The following MEIG1 variants were observed in gnomAD, a reference collection of about 807,000 sequenced individuals.
MEIG1 encodes meiosis/spermiogenesis associated 1.
A neutral mutation model predicts 11.3 loss-of-function variants in MEIG1; 12 were observed. That is an observed-to-expected ratio of 1.07 (90% CI 0.68 to 1.73). MEIG1 has a LOEUF of 1.73. Ranked by LOEUF, MEIG1 falls within the 40% of genes most tolerant of loss-of-function variation. The pLI, the probability that MEIG1 is intolerant of heterozygous loss-of-function variation, is 0.00. For missense variants in MEIG1, 119 were observed against 104.9 expected, an observed-to-expected ratio of 1.13 and a Z score of -0.59; for synonymous variants, 41 against 33.2, an observed-to-expected ratio of 1.24 and a Z score of -0.81.
chr10:14,963,041 C>T (rs181118512), intron 1 of MEIG1, among the ~76,000 whole-genome samples: 39 of 91,644 alleles, frequency 4.3e-4, no homozygotes, highest in African/African-American at 8.3e-4. Context: ...GGATTACAGG[C>T]GTGAGCCACC....
At chr10:14,954,321 G>A in the MEIG1 span, 1 of 472,354 alleles carries the variant, frequency 2.1e-6, no homozygotes, top group East Asian at 4.1e-5. Flanking sequence ...CGTTGCCCAT[G>A]TCTGTGGAGG....
downstream of MEIG1, among the ~76,000 whole-genome samples, chr10:14,975,417 T>C (rs935316269): frequency 6.6e-6 from 1 of 152,048 alleles, no homozygotes; most frequent in Non-Finnish European, 1.5e-5. Context: ...GCAGGGGGTC[T>C]ACATCCAGTC....
upstream of MEIG1, among the ~76,000 whole-genome samples, chr10:14,955,966 G>T (rs1316171503): frequency 6.6e-6 from 1 of 152,202 alleles, no homozygotes; most frequent in Non-Finnish European, 1.5e-5. Flanking sequence ...AACAAATTCT[G>T]CTGTGAGTCT....
At chr10:14,965,133 G>C (rs557882657) in intron 1 of MEIG1, among the ~76,000 whole-genome samples, 1 of 151,886 alleles carries the variant, frequency 6.6e-6, no homozygotes, top group Admixed American at 6.6e-5. Flanking sequence ...AACATAATGA[G>C]CATTTGTTAT....
intron 2 of MEIG1, among the ~76,000 whole-genome samples, chr10:14,967,241 T>A (rs1843096368): frequency 6.6e-6 from 1 of 152,210 alleles, no homozygotes; most frequent in Non-Finnish European, 1.5e-5. Context: ...AATCAGTATG[T>A]TGGGTAACTA....
chr10:14,972,502 T>G lies in MEIG1; in HGVS notation c.139-11T>G. 6.2e-7 allele frequency: 1 copy of G among 1,614,002 alleles called. No individual in the cohort carries two copies. On this transcript the variant is annotated splice_polypyrimidine_tract_variant and intron_variant, in intron 2 of 2. Coordinates refer to ENST00000407572, the MANE Select transcript of MEIG1 (RefSeq NM_001080836.3). ...CATTGTAACGTTTGTACTCTGGTTC[T>G]TGATGTGCAGGTAGATCGTTGGCCG... is the stretch of plus-strand genomic sequence containing the variant.
downstream of MEIG1, among the ~76,000 whole-genome samples, chr10:14,975,254 G>C (rs1309428341): frequency 6.6e-6 from 1 of 151,700 alleles, no homozygotes; most frequent in African/African-American, 2.4e-5. Flanking sequence ...TCCCAATATC[G>C]CAGGCTGTGT....
At chr10:14,968,763 A>G (rs1400904679) in intron 2 of MEIG1, among the ~76,000 whole-genome samples, 1 of 152,058 alleles carries the variant, frequency 6.6e-6, no homozygotes, top group African/African-American at 2.4e-5. Context: ...AAACAGAAGC[A>G]TTATCATTTT....
At position 14,972,526 on chromosome 10, in the gene MEIG1, C is replaced by A. The variant is rs148637904; in HGVS notation, c.152C>A (p.Pro51Gln). The change falls in exon 3 of 3, where the codon CCG (proline) becomes CAG (glutamine). Residue 51 changes from proline (P) to glutamine (Q), a missense_variant. Pro to Gln is a moderately conservative substitution (Grantham distance 76, BLOSUM62 -1). Transcript: ENST00000407572. ...CTTGATGTGCAGGTAGATCGTTGGC[C>A]GGAGACAGGATATGTGAAGAAACTT... The part of the protein sequence containing the change: ...VKQVSMVDRW[P>Q]ETGYVKKLQR... The A allele has an allele frequency of 1.9e-6, 3 of 1,613,746 alleles. No homozygotes were observed. The highest frequency in any genetic ancestry group is 2.5e-6 in the Non-Finnish European group (3 of 1,179,926).
intron 1 of MEIG1, among the ~76,000 whole-genome samples, chr10:14,964,564 A>AGTGTGTGTGTGTGT (rs151283080): frequency 5.7e-5 from 6 of 104,452 alleles, no homozygotes; most frequent in South Asian, 6.9e-4. Flanking sequence ...TGTATATAAG[A>AGTGTGTGTGTGTGT]GTGTGTGTGT....
rs1211164410 is a variant in MEIG1 at position 14,986,837 on chromosome 10, C to T, written n.108C>T. ...TGTTGGCCAAGCGGGTCTCGAACTC[C>T]TGGACTCAAGTGATCCCAGCGACTC... On this transcript the variant is annotated non_coding_transcript_exon_variant, in exon 2 of 3. Coordinates refer to the MEIG1 transcript ENST00000467536. 1.3e-5 allele frequency: 5 copies of T among 381,404 alleles called. No homozygotes were observed. The East Asian group carries it at 2.2e-4, about 17-fold the overall frequency. 23.6% of individuals were successfully genotyped at this position (381,404 alleles called of 1,614,324 possible).
chr10:14,972,791 C>A lies in MEIG1; in HGVS notation c.*150C>A. 1.4e-6 allele frequency: 1 copy of A among 695,656 alleles called. No individual in the cohort carries two copies. The highest frequency in any genetic ancestry group is 2.3e-6 in the Non-Finnish European group (1 of 431,454). 43.1% of individuals were successfully genotyped at this position (695,656 alleles called of 1,614,324 possible). ...CAAAAGCCATGAGAATTGGTATCTG[C>A]TAATCACCTTGTCCTGTTCTAAGAA... On this transcript the variant is annotated 3_prime_UTR_variant, in exon 3 of 3. Coordinates refer to ENST00000407572, the MANE Select transcript of MEIG1 (RefSeq NM_001080836.3).
downstream of MEIG1, among the ~76,000 whole-genome samples, chr10:14,976,281 T>G (rs1773842084): frequency 6.6e-6 from 1 of 152,152 alleles, no homozygotes; most frequent in South Asian, 2.1e-4. Context: ...TTCATAATAT[T>G]AATTACATAT....
intron 1 of MEIG1, among the ~76,000 whole-genome samples, chr10:14,960,639 C>T (rs1843001852): frequency 6.6e-6 from 1 of 151,988 alleles, no homozygotes; most frequent in East Asian, 2.0e-4. Context: ...AGGATGGTCT[C>T]GATCTCCTGA....
At chr10:14,959,314 A>T (rs1589200857), upstream of MEIG1, 1 of 152,162 alleles carries the variant, frequency 6.6e-6, no homozygotes, top group Non-Finnish European at 1.5e-5. Context: ...ATAAAAGCCC[A>T]CTCCCGGGGG....
rs1843096876 is a variant in MEIG1 at position 14,967,270 on chromosome 10, T to C, written c.138+664T>C. The stretch of plus-strand genomic sequence containing the variant: ...GTAACTATTATTTCCCTCCTGTTAC[T>C]TTTTATTTTAACCATGAATTAGAAA... On this transcript the variant is annotated intron_variant, in intron 2 of 2. Transcript: ENST00000407572. Among the ~76,000 whole-genome samples, 3 of 152,210 alleles carry C rather than the reference T, an allele frequency of 2.0e-5. No homozygotes were observed. In the South Asian group the frequency reaches 6.2e-4, roughly 31 times the overall value.
rs139910408 is a variant in MEIG1, at chr10:14,968,886, C to A, written c.138+2280C>A. Among the ~76,000 whole-genome samples, 10 of 152,056 alleles carry A rather than the reference C, an allele frequency of 6.6e-5. No individual in the cohort carries two copies. In the South Asian group the frequency reaches 1.9e-3, roughly 28 times the overall value. On this transcript the variant is annotated intron_variant, in intron 2 of 2. Transcript: ENST00000407572. The stretch of plus-strand genomic sequence containing the variant: ...CTGAGGTTGGGAGTTTGAGACCAGC[C>A]TGACCAATATGGAGAAACCCTATCT...
At chr10:14,979,282 C>A (rs1589214704) in intron 1 of MEIG1, among the ~76,000 whole-genome samples, 1 of 151,684 alleles carries the variant, frequency 6.6e-6, no homozygotes, top group African/African-American at 2.4e-5. Context: ...CACAGGCTAA[C>A]CCCCTGTGAC....
At chr10:14,965,469 G>A (rs1039177224) in intron 1 of MEIG1, among the ~76,000 whole-genome samples, 7 of 152,066 alleles carry the variant, frequency 4.6e-5, no homozygotes, top group Non-Finnish European at 8.8e-5. Flanking sequence ...TCAGTACCAC[G>A]ACAGCCACAC....
Sources: allele counts gnomAD v4.1 joint callset (sites outside exome capture counted in the v4.1 genomes callset), GRCh38; gene constraint gnomAD v4.1.1; transcripts MANE v1.5; gene names NCBI Gene and HGNC (gene_info 2026-07-23, HGNC 2026-07-21).